The following SIAH3 variants were observed in gnomAD, a reference collection of about 807,000 sequenced individuals.
SIAH3 encodes the protein seven in absentia homolog 3.
A neutral mutation model predicts 12.6 loss-of-function variants in SIAH3; 9 were observed. The ratio of observed to expected loss-of-function variants is 0.72; its 90% CI spans 0.43 to 1.25. The LOEUF (loss-of-function observed/expected upper bound fraction) is 1.25, where lower values mean the gene tolerates loss of function less well. Ranked by LOEUF, SIAH3 falls within the 50% of genes most tolerant of loss-of-function variation. The pLI is 0.00. For missense variants in SIAH3, 390 were observed against 365.4 expected (o/e 1.07, Z -0.55); for synonymous variants, 154 against 151.1 (o/e 1.02, Z -0.14).
chr13:45,846,915 A>G (rs1950762236), intron 1 of SIAH3, among the ~76,000 whole-genome samples: 1 of 152,236 alleles, frequency 6.6e-6, no homozygotes, highest in Admixed American at 6.5e-5. Context: ...ACCATTAACC[A>G]GAAAAGCCGC....
intron 1 of SIAH3, among the ~76,000 whole-genome samples, chr13:45,793,606 A>G (rs1950553231): frequency 6.6e-6 from 1 of 152,002 alleles, no homozygotes. Flanking sequence ...CATGGTAGGT[A>G]CCCGGGAAGT....
intron 1 of SIAH3, among the ~76,000 whole-genome samples, chr13:45,828,905 T>C (rs1191432521): frequency 1.3e-5 from 2 of 151,852 alleles, no homozygotes; most frequent in South Asian, 2.1e-4. Context: ...ACAGAATAGT[T>C]AGAAGGGAGG....
chr13:45,804,048 G>T (rs1950591044), intron 1 of SIAH3, among the ~76,000 whole-genome samples: 1 of 151,882 alleles, frequency 6.6e-6, no homozygotes, highest in Non-Finnish European at 1.5e-5. Context: ...AGTAAACTGT[G>T]GCTGGAACTT....
At position 45,781,086 on chromosome 13, in the gene SIAH3, C is replaced by T. The variant is rs1041773921; in HGVS notation, c.*2297G>A. On this transcript the variant is annotated 3_prime_UTR_variant, in exon 2 of 2. Transcript: ENST00000400405. ...TTCTAGGAACAAAAATATAAGCTCC[C>T]ATCTGGGATCACTTATTCATAATAC... 1 of 152,596 alleles carries T rather than the reference C, an allele frequency of 6.6e-6. No homozygotes were observed. The highest frequency in any genetic ancestry group is 2.4e-5 in the African/African-American group (1 of 41,432). The allele number at this position is 152,596 out of a possible 1,614,324, so 9.5% of individuals were successfully genotyped here.
At chr13:45,798,217 G>T (rs1310447992) in intron 1 of SIAH3, among the ~76,000 whole-genome samples, 1 of 152,158 alleles carries the variant, frequency 6.6e-6, no homozygotes, top group Non-Finnish European at 1.5e-5. Flanking sequence ...GAATTTAGAA[G>T]CAGCTTCCTC....
intron 1 of SIAH3, among the ~76,000 whole-genome samples, chr13:45,828,373 C>T (rs527768279): frequency 2.1e-4 from 32 of 152,292 alleles, no homozygotes; most frequent in Non-Finnish European, 3.4e-4. Flanking sequence ...TTCACCCCAA[C>T]GGTGCCTGTC....
chr13:45,798,420 G>T (rs1950570368), intron 1 of SIAH3, among the ~76,000 whole-genome samples: 1 of 152,198 alleles, frequency 6.6e-6, no homozygotes, highest in South Asian at 2.1e-4. Context: ...ATCACATGTG[G>T]TCCCTATCCT....
chr13:45,834,595 C>T (rs1162002422), intron 1 of SIAH3, among the ~76,000 whole-genome samples: 2 of 152,192 alleles, frequency 1.3e-5, no homozygotes, highest in Non-Finnish European at 2.9e-5. Context: ...TCCCGGTCCT[C>T]TTGGAGGCTG....
intron 1 of SIAH3, among the ~76,000 whole-genome samples, chr13:45,814,731 A>T (rs899889737): frequency 2.4e-5 from 1 of 40,834 alleles, no homozygotes; most frequent in Non-Finnish European, 5.0e-5. Context: ...TTTTGCCATT[A>T]CTTTTTTTTT....
intron 1 of SIAH3, among the ~76,000 whole-genome samples, chr13:45,816,919 G>A (rs779587151): frequency 2.0e-5 from 3 of 152,170 alleles, no homozygotes; most frequent in Non-Finnish European, 2.9e-5. Context: ...CATTGACAAA[G>A]GCTGTACTAG....
At chr13:45,847,485 C>A (rs1294220316) in intron 1 of SIAH3, among the ~76,000 whole-genome samples, 1 of 152,198 alleles carries the variant, frequency 6.6e-6, no homozygotes, top group Non-Finnish European at 1.5e-5. Flanking sequence ...ACACATTTAT[C>A]CACACAAGTT....
intron 1 of SIAH3, among the ~76,000 whole-genome samples, chr13:45,829,967 G>T (rs1465220625): frequency 6.6e-6 from 1 of 152,144 alleles, no homozygotes; most frequent in East Asian, 1.9e-4. Context: ...GAGACCCTGG[G>T]CAAGGGTCAC....
At chr13:45,832,285 ACTAT>A (rs1207792949) in intron 1 of SIAH3, among the ~76,000 whole-genome samples, 2 of 152,260 alleles carry the variant, frequency 1.3e-5, no homozygotes, top group Non-Finnish European at 2.9e-5. Flanking sequence ...GACCATCGCC[ACTAT>A]CTATTTTCAG....
At chr13:45,801,964 A>C (rs2137558529) in intron 1 of SIAH3, among the ~76,000 whole-genome samples, 1 of 152,318 alleles carries the variant, frequency 6.6e-6, no homozygotes, top group East Asian at 1.9e-4. Context: ...CGTTTTTGGA[A>C]ACTGTGATAT....
At chr13:45,840,600 C>T (rs1300268735) in intron 1 of SIAH3, among the ~76,000 whole-genome samples, 1 of 152,144 alleles carries the variant, frequency 6.6e-6, no homozygotes, top group Non-Finnish European at 1.5e-5. Flanking sequence ...CTGCTGGAGG[C>T]CACAGGAACT....
rs1320193364 is a variant in SIAH3, at chr13:45,780,719, C to T, written c.*2664G>A. On this transcript the variant is annotated 3_prime_UTR_variant, in exon 2 of 2. Coordinates refer to ENST00000400405, the MANE Select transcript of SIAH3 (RefSeq NM_198849.3). The stretch of plus-strand genomic sequence containing the variant: ...AGACTGCTGAATATTTCGGATCAGT[C>T]TTACTTCAAGAACACCAAGTTTGCA... The T allele has an allele frequency of 6.6e-6, 1 of 152,220 alleles. No homozygotes were observed. Among genetic ancestry groups the T allele is most frequent in the Admixed American group, 6.5e-5 (1 of 15,282 alleles). The allele number at this position is 152,220 out of a possible 1,614,324, so 9.4% of individuals were successfully genotyped here.
chr13:45,850,498 T>C (rs576893662), intron 1 of SIAH3, among the ~76,000 whole-genome samples: 1 of 152,200 alleles, frequency 6.6e-6, no homozygotes, highest in Admixed American at 6.5e-5. Context: ...GAAAGGAACT[T>C]CCAATGAGTC....
rs1372131912 is a variant in SIAH3 at position 45,779,250 on chromosome 13, C to A, written c.*4133G>T. ...AGTGATGAGTTTTAAGTACTTTTGA[C>A]CTTTGCTTTAAATATAATTTATTTA... On this transcript the variant is annotated 3_prime_UTR_variant, in exon 2 of 2. Transcript: ENST00000400405. The A allele has an allele frequency of 2.0e-5, 3 of 152,096 alleles. No individual in the cohort carries two copies. The highest frequency in any genetic ancestry group is 4.4e-5 in the Non-Finnish European group (3 of 68,012). The allele number at this position is 152,096 out of a possible 1,614,324, so 9.4% of individuals were successfully genotyped here. A position where few individuals can be genotyped will look rare whatever the true frequency, so the allele number is the denominator to read the frequency against.
At chr13:45,815,910 C>G (rs1328148070) in intron 1 of SIAH3, among the ~76,000 whole-genome samples, 1 of 152,246 alleles carries the variant, frequency 6.6e-6, no homozygotes, top group Non-Finnish European at 1.5e-5. Context: ...CAACAAAAAT[C>G]ACAGCAAATT....
Sources: gnomAD v4.1 joint callset for allele counts (sites outside exome capture counted in the v4.1 genomes callset) on GRCh38, gnomAD v4.1.1 for gene constraint, MANE v1.5 for transcripts, NCBI Gene and HGNC (gene_info 2026-07-23, HGNC 2026-07-21) for gene names.